Variants in PICALM observed in about 807,000 individuals in gnomAD.
PICALM encodes phosphatidylinositol binding clathrin assembly protein.
In PICALM, 40 loss-of-function variants were observed where a neutral mutation model predicts 80.5. The ratio of observed to expected loss-of-function variants is 0.50; its 90% confidence interval spans 0.39 to 0.65. The LOEUF is 0.65. Ranked by LOEUF, PICALM falls within the 30% of genes least tolerant of loss-of-function variation. PICALM has a pLI of 0.00. For synonymous variants in PICALM, 288 were observed against 260.3 expected, an observed-to-expected ratio of 1.11 and a Z score of -1.02; for missense variants, 676 against 778.9, an observed-to-expected ratio of 0.87 and a Z score of 1.57.
chr11:86,002,071 T>C (rs551572567), intron 9 of PICALM, among the ~76,000 whole-genome samples: 6 of 152,298 alleles, frequency 3.9e-5, no homozygotes, highest in East Asian at 3.9e-4. Context: ...AAGAATAACA[T>C]AGTTGTGACA....
intron 1 of PICALM, among the ~76,000 whole-genome samples, chr11:86,043,369 T>C (rs1368860109): frequency 6.6e-6 from 1 of 152,188 alleles, no homozygotes; most frequent in Non-Finnish European, 1.5e-5. Context: ...ATCTAATTTC[T>C]TAACCTCAAA....
chr11:85,972,828 G>A (rs1320236423), intron 19 of PICALM, among the ~76,000 whole-genome samples: 1 of 151,812 alleles, frequency 6.6e-6, no homozygotes, highest in Non-Finnish European at 1.5e-5. Context: ...AAAAACAAAA[G>A]GACATGAAAA....
chr11:85,981,621 A>G (rs915315191), intron 16 of PICALM, 124 bp downstream of exon 16: 12 of 717,146 alleles, frequency 1.7e-5, no homozygotes, highest in Non-Finnish European at 2.6e-5. Flanking sequence ...AAAAAAAAAA[A>G]AGATGCAGAC....
chr11:86,026,172 C>A, intron 3 of PICALM, 120 bp downstream of exon 3: 1 of 617,568 alleles, frequency 1.6e-6, no homozygotes, highest in Non-Finnish European at 2.9e-6. Flanking sequence ...TTTCCTACAA[C>A]CTTCACTAAA....
intron 19 of PICALM, 51 bp from the exon 20 acceptor site, chr11:85,959,111 T>C: frequency 7.5e-7 from 1 of 1,337,752 alleles, no homozygotes; most frequent in Admixed American, 1.9e-5. Context: ...GGATGTCTTC[T>C]CATAAATAAA....
In PICALM at chr11:86,065,349, G is replaced by A. The variant is rs550700303; in HGVS notation, c.130+3302C>T. ...TAGTCACAGCTACTCAAGAGGCTGA[G>A]GCAGAATCTCTTGAACCTGGGAGGC... On this transcript the variant is annotated intron_variant, in intron 1 of 19. Transcript: ENST00000393346. Among the ~76,000 whole-genome samples, 17 of 152,072 alleles carry A rather than the reference G, an allele frequency of 1.1e-4. 1 individual carries two copies. Among genetic ancestry groups the A allele is most frequent in the African/African-American group, 3.9e-4 (16 of 41,448 alleles).
intron 4 of PICALM, among the ~76,000 whole-genome samples, chr11:86,017,656 T>G (rs1399247801): frequency 4.6e-5 from 7 of 152,222 alleles, no homozygotes; most frequent in Non-Finnish European, 8.8e-5. Flanking sequence ...CACAGCATAC[T>G]AGTATGGTAG....
At chr11:85,968,988 ACACAC>A (rs2094006844) in intron 19 of PICALM, among the ~76,000 whole-genome samples, 1 of 124,122 alleles carries the variant, frequency 8.1e-6, no homozygotes, top group Non-Finnish European at 1.8e-5. Context: ...ACACACACAC[ACACAC>A]ACACGGAGAA....
At chr11:86,043,087 A>C (rs1473823962) in intron 1 of PICALM, among the ~76,000 whole-genome samples, 1 of 152,154 alleles carries the variant, frequency 6.6e-6, no homozygotes, top group East Asian at 1.9e-4. Flanking sequence ...TTCACTCTTA[A>C]AAGTGACCCA....
intron 2 of PICALM, among the ~76,000 whole-genome samples, chr11:86,029,740 A>G (rs2095716119): frequency 6.6e-6 from 1 of 152,248 alleles, no homozygotes; most frequent in Admixed American, 6.5e-5. Flanking sequence ...AGAAAAGTAC[A>G]TACACGCTTG....
intron 19 of PICALM, among the ~76,000 whole-genome samples, chr11:85,959,633 CAAAAAAAAAAAAA>C (rs1161064257): frequency 1.5e-4 from 7 of 45,204 alleles, no homozygotes; most frequent in African/African-American, 5.9e-4. Context: ...AACTCCATCT[CAAAAAAAAAAAAA>C]AAAAAAAAAA....
intron 3 of PICALM, among the ~76,000 whole-genome samples, chr11:86,023,126 A>G (rs1390064088): frequency 6.6e-6 from 1 of 152,206 alleles, no homozygotes; most frequent in Non-Finnish European, 1.5e-5. Flanking sequence ...TAAAAACACC[A>G]AAAACTTTGT....
intron 2 of PICALM, among the ~76,000 whole-genome samples, chr11:86,027,232 A>C (rs1221835456): frequency 6.6e-6 from 1 of 152,192 alleles, no homozygotes; most frequent in Admixed American, 6.5e-5. Flanking sequence ...ATATGAGTAT[A>C]TGAGTTTTTC....
chr11:86,018,820 T>C (rs1359043486), intron 4 of PICALM, among the ~76,000 whole-genome samples: 1 of 149,900 alleles, frequency 6.7e-6, no homozygotes, highest in Non-Finnish European at 1.5e-5. Context: ...ACCCGGGAGG[T>C]GGAGGTTGCA....
chr11:85,980,710 T>C (rs2094417005), intron 17 of PICALM, among the ~76,000 whole-genome samples: 1 of 152,072 alleles, frequency 6.6e-6, no homozygotes, highest in Non-Finnish European at 1.5e-5. Flanking sequence ...TAATATAGAG[T>C]AGTGATTAAG....
chr11:86,062,328 C>T (rs2096380817), intron 1 of PICALM, among the ~76,000 whole-genome samples: 1 of 152,092 alleles, frequency 6.6e-6, no homozygotes, highest in African/African-American at 2.4e-5. Flanking sequence ...ACCAGCCTGG[C>T]CAACATGGTG....
At chr11:85,996,674 TA>T in intron 12 of PICALM, 151 bp downstream of exon 12, 1 of 513,060 alleles carries the variant, frequency 1.9e-6, no homozygotes, top group Non-Finnish European at 3.4e-6. Flanking sequence ...TAAATGAACA[TA>T]CCTTCAAGGG....
intron 2 of PICALM, among the ~76,000 whole-genome samples, chr11:86,029,071 T>C (rs1455258835): frequency 2.0e-5 from 3 of 152,124 alleles, no homozygotes; most frequent in Non-Finnish European, 4.4e-5. Flanking sequence ...ACTTGCGACC[T>C]CAGGTGATCC....
intron 19 of PICALM, among the ~76,000 whole-genome samples, chr11:85,959,663 T>C (rs1592244374): frequency 7.5e-6 from 1 of 133,730 alleles, no homozygotes. Flanking sequence ...AAAAGCTCAT[T>C]GGAACTCCTG....
Sources: gnomAD v4.1 joint callset for allele counts (sites outside exome capture counted in the v4.1 genomes callset) on GRCh38, gnomAD v4.1.1 for gene constraint, MANE v1.5 for transcripts, NCBI Gene and HGNC (gene_info 2026-07-23, HGNC 2026-07-21) for gene names.